The following MINDY2 variants were observed in gnomAD, a reference collection of about 807,000 sequenced individuals.
MINDY2 encodes ubiquitin carboxyl-terminal hydrolase MINDY-2.
In MINDY2, 52 loss-of-function variants were observed where a neutral mutation model predicts 68.2. The ratio of observed to expected loss-of-function variants is 0.76; its 90% CI spans 0.61 to 0.96. The LOEUF is 0.96. Ranked by LOEUF, MINDY2 falls within the 40% of genes least tolerant of loss-of-function variation. The probability of loss-of-function intolerance (pLI) is 0.00; values close to 1 mark genes in which losing one functional copy is unlikely to be tolerated. For missense variants in MINDY2, 881 were observed against 773.4 expected, an observed-to-expected ratio of 1.14 and a Z score of -1.65; for synonymous variants, 372 against 303.0, an observed-to-expected ratio of 1.23 and a Z score of -2.36.
At chr15:58,842,354 T>C (rs982013810) in intron 6 of MINDY2, among the ~76,000 whole-genome samples, 1 of 152,116 alleles carries the variant, frequency 6.6e-6, no homozygotes, top group Non-Finnish European at 1.5e-5. Context: ...AAGTGAAAAG[T>C]AGTTTAGAAG....
Position 58,851,782 on chromosome 15 carries a change from G to C in MINDY2, c.1554G>C (p.Met518Ile). The change falls in exon 8 of 9, where the codon ATG becomes ATC. Residue 518 changes from methionine (M) to isoleucine (I), a missense_variant. By Grantham distance (10) the Met-to-Ile change is conservative. Coordinates refer to ENST00000559228, the MANE Select transcript of MINDY2 (RefSeq NM_001040450.3). ...ATTTAATTTATTAGGATTATCTTAT[G>C]GCATTATCTCTACAACAAGAACAGC... is the stretch of plus-strand genomic sequence containing the variant. ...QQDQIDQDYL[M>I]ALSLQQEQQS... is the part of the protein sequence containing the mutation. 6.3e-7 allele frequency: 1 copy of C among 1,580,832 alleles called. No homozygotes were observed.
intron 4 of MINDY2, among the ~76,000 whole-genome samples, chr15:58,812,614 C>CT (rs768639573): frequency 1.3e-5 from 2 of 151,900 alleles, no homozygotes; most frequent in Non-Finnish European, 2.9e-5. Flanking sequence ...AATCCTAGAA[C>CT]TTTGGGAGGC....
At chr15:58,796,243 T>C (rs1902277742) in intron 2 of MINDY2, 1 of 421,296 alleles carries the variant, frequency 2.4e-6, no homozygotes, top group African/African-American at 2.0e-5. Context: ...ATCTATGCTG[T>C]TGTAAAGAAT....
chr15:58,786,684 A>G (rs1426457321), intron 1 of MINDY2, among the ~76,000 whole-genome samples: 1 of 152,212 alleles, frequency 6.6e-6, no homozygotes, highest in East Asian at 1.9e-4. Flanking sequence ...CATTGGAACT[A>G]CTATTGCAGG....
At chr15:58,772,783 C>T (rs142173154) in intron 1 of MINDY2, among the ~76,000 whole-genome samples, 65 of 152,220 alleles carry the variant, frequency 4.3e-4, no homozygotes, top group African/African-American at 1.5e-3. Context: ...ACCCAATTAC[C>T]GTAACTTCTT....
Position 58,861,541 on chromosome 15 carries a change from A to T in MINDY2, c.*6931A>T, listed in dbSNP as rs1436930775. The stretch of plus-strand genomic sequence containing the variant: ...TGCATAAAGATACCTAAAACCATCT[A>T]CCCAGCTTAGGGTTGAACTGAATTT... On this transcript the variant is annotated 3_prime_UTR_variant, in exon 9 of 9. Transcript: ENST00000559228. 1 of 152,178 alleles carries T rather than the reference A, an allele frequency of 6.6e-6. No homozygotes were observed. The highest frequency in any genetic ancestry group is 1.5e-5 in the Non-Finnish European group (1 of 68,026). 9.4% of individuals were successfully genotyped at this position (152,178 alleles called of 1,614,324 possible).
intron 2 of MINDY2, among the ~76,000 whole-genome samples, chr15:58,789,145 G>C (rs1380343338): frequency 6.6e-6 from 1 of 152,188 alleles, no homozygotes; most frequent in African/African-American, 2.4e-5. Context: ...AGAACATCCT[G>C]GCTAACACGG....
intron 8 of MINDY2, among the ~76,000 whole-genome samples, chr15:58,854,243 CAAAA>C (rs770015247): frequency 1.9e-5 from 2 of 107,444 alleles, no homozygotes; most frequent in South Asian, 2.8e-4. Context: ...GACTCTGTCT[CAAAA>C]AAAAAAAAAG....
chr15:58,817,341 T>G (rs1056616600), intron 4 of MINDY2, among the ~76,000 whole-genome samples: 5 of 152,146 alleles, frequency 3.3e-5, no homozygotes, highest in African/African-American at 9.6e-5. Flanking sequence ...AAATGGCCAA[T>G]GAACATATGA....
At position 58,811,318 on chromosome 15, in the gene MINDY2, G is replaced by A. The variant is rs529770147; in HGVS notation, c.1122+930G>A. 1.1e-4 allele frequency among the ~76,000 whole-genome samples: 17 copies of A among 152,314 alleles called. No individual in the cohort carries two copies. The East Asian group carries it at 1.5e-3, about 14-fold the overall frequency. ...ATTTCTAAATGTACATTGACCTTTG[G>A]TATATTAGTCTAGCAATCCAGATTT... is the stretch of plus-strand genomic sequence containing the variant. On this transcript the variant is annotated intron_variant, in intron 4 of 8. Transcript: ENST00000559228.
intron 5 of MINDY2, among the ~76,000 whole-genome samples, chr15:58,824,493 A>G (rs1184992073): frequency 6.6e-6 from 1 of 152,144 alleles, no homozygotes; most frequent in African/African-American, 2.4e-5. Context: ...ATTTAGCATA[A>G]TTAAAAAGCT....
chr15:58,806,774 A>C (rs958341585), intron 3 of MINDY2, among the ~76,000 whole-genome samples: 1 of 152,176 alleles, frequency 6.6e-6, no homozygotes, highest in African/African-American at 2.4e-5. Flanking sequence ...CTATTTTTTC[A>C]GATTCATCAT....
rs181885443 is a variant in MINDY2 at position 58,829,801 on chromosome 15, G to A, written c.1226-1973G>A. On this transcript the variant is annotated intron_variant, in intron 5 of 8. Transcript: ENST00000559228. ...ATCATAACAAAGTCCTTGCAATAGT[G>A]TGATAATTATAGTGTGGTAAGTTTT... Among the ~76,000 whole-genome samples, 224 of 152,296 alleles carry A rather than the reference G, an allele frequency of 1.5e-3. 3 individuals are homozygous for A. Among genetic ancestry groups the A allele is most frequent in the Middle Eastern group, 6.8e-3 (2 of 294 alleles).
rs2033184836 is a variant in MINDY2, at chr15:58,860,422, AAATTAG to A, written c.*5813_*5818del. ...CCTGTCTCTACTAAAAATACAAAAA[AAATTAG>A]CTGGGTGTGGTGGCACATGCCTGTA... On this transcript the variant is annotated 3_prime_UTR_variant, in exon 9 of 9. Transcript: ENST00000559228. 3.3e-5 allele frequency: 5 copies of A among 152,074 alleles called. No individual in the cohort carries two copies. Among genetic ancestry groups the A allele is most frequent in the Non-Finnish European group, 7.3e-5 (5 of 68,036 alleles). The allele number at this position is 152,074 out of a possible 1,614,324, so 9.4% of individuals were successfully genotyped here.
chr15:58,818,743 G>C (rs2030867363), intron 4 of MINDY2, among the ~76,000 whole-genome samples: 1 of 147,476 alleles, frequency 6.8e-6, no homozygotes, highest in Non-Finnish European at 1.5e-5. Context: ...AGTTTCAAGT[G>C]ATCCTCCTGT....
rs536233902 is a variant in MINDY2, at chr15:58,780,262, G to A, written c.841-7644G>A. Among the ~76,000 whole-genome samples, 137 of 152,104 alleles carry A rather than the reference G, an allele frequency of 9.0e-4. 3 individuals are homozygous for A. Among genetic ancestry groups the A allele is most frequent in the African/African-American group, 3.2e-3 (134 of 41,472 alleles). ...TCTACTAAAAATACAAAATTAGCCG[G>A]GTGTGGTGGCACATGCCTGTAATCC... On this transcript the variant is annotated intron_variant, in intron 1 of 8. Transcript: ENST00000559228.
chr15:58,857,509 G>A lies in MINDY2; in HGVS notation c.*2899G>A, dbSNP rs1234875208. Reference sequence around the variant, plus strand: ...AGATAGCACCACTGCATGCAAGCCTGGGCAATAGAGCGAGACTCCGTCTCA... The same window carrying A: ...AGATAGCACCACTGCATGCAAGCCTAGGCAATAGAGCGAGACTCCGTCTCA... On this transcript the variant is annotated 3_prime_UTR_variant, in exon 9 of 9. Transcript: ENST00000559228. The A allele has an allele frequency of 7.8e-6, 1 of 127,694 alleles. No homozygotes were observed. Among genetic ancestry groups the A allele is most frequent in the Non-Finnish European group, 1.6e-5 (1 of 63,644 alleles). 7.9% of individuals were successfully genotyped at this position (127,694 alleles called of 1,614,324 possible). A position where few individuals can be genotyped will look rare whatever the true frequency, so the allele number is the denominator to read the frequency against.
chr15:58,789,936 C>T (rs907132196), intron 2 of MINDY2, among the ~76,000 whole-genome samples: 7 of 151,760 alleles, frequency 4.6e-5, no homozygotes, highest in Admixed American at 1.3e-4. Context: ...CGTGAGCCAC[C>T]GTGCCTGGTT....
chr15:58,777,639 T>C (rs1172952839), intron 1 of MINDY2, among the ~76,000 whole-genome samples: 1 of 152,042 alleles, frequency 6.6e-6, no homozygotes, highest in Non-Finnish European at 1.5e-5. Flanking sequence ...TTTTTAATTA[T>C]AAAAAAAGAA....
Sources: gnomAD v4.1 joint callset for allele counts (sites outside exome capture counted in the v4.1 genomes callset) on GRCh38, gnomAD v4.1.1 for gene constraint, MANE v1.5 for transcripts, NCBI Gene and HGNC (gene_info 2026-07-23, HGNC 2026-07-21) for gene names.